The following ROBO1 variants were observed in gnomAD, a reference collection of about 807,000 sequenced individuals.
The protein encoded by ROBO1 is roundabout homolog 1.
ROBO1 carries 149 observed loss-of-function variants against 195.9 expected under a neutral mutation model. That is an observed-to-expected ratio of 0.76 (90% CI 0.67 to 0.87). The LOEUF is 0.87. Ranked by LOEUF, ROBO1 falls within the 40% of genes least tolerant of loss-of-function variation. The probability of loss-of-function intolerance (pLI) is 0.00; values close to 1 mark genes in which losing one functional copy is unlikely to be tolerated. For synonymous variants in ROBO1, 816 were observed against 733.2 expected (o/e 1.11, Z -1.82); for missense variants, 1,933 against 2,068.3 (o/e 0.93, Z 1.27).
chr3:79,005,342 T>C (rs1329122315), intron 3 of ROBO1, among the ~76,000 whole-genome samples: 1 of 152,198 alleles, frequency 6.6e-6, no homozygotes, highest in Non-Finnish European at 1.5e-5. Flanking sequence ...CTGCCCCTGA[T>C]AGATGTCTTA....
intron 2 of ROBO1, among the ~76,000 whole-genome samples, chr3:79,289,281 T>A (rs1377783741): frequency 1.3e-5 from 2 of 152,160 alleles, no homozygotes; most frequent in African/African-American, 4.8e-5. Flanking sequence ...ACCAATATAT[T>A]TGGTGTTTTG....
rs151026714 is a variant in ROBO1 at position 78,681,739 on chromosome 3, T to C, written c.1342+4007A>G. ...CTAACACGGTGAAACCCGTCTCTAC[T>C]AAAAATACAAAAATTAGTCGGGCGT... On this transcript the variant is annotated intron_variant, in intron 10 of 30. Transcript: ENST00000464233. 6.1e-3 allele frequency among the ~76,000 whole-genome samples: 925 copies of C among 152,154 alleles called. 12 individuals carry two copies. The highest frequency in any genetic ancestry group is 0.021 in the African/African-American group (888 of 41,522).
rs771492402 is a variant in ROBO1 at position 79,010,544 on chromosome 3, G to A, written c.173-71617C>T. On this transcript the variant is annotated intron_variant, in intron 3 of 30. Transcript: ENST00000464233. ...ATTGATTCCTAGTGTTTCAGGTTCC[G>A]TGTATACAACTGGGCCTATACTACT... Among the ~76,000 whole-genome samples, 5 of 151,992 alleles carry A rather than the reference G, an allele frequency of 3.3e-5. No individual in the cohort carries two copies. The East Asian group carries it at 5.8e-4, about 18-fold the overall frequency.
chr3:79,522,073 G>A lies in ROBO1; in HGVS notation c.88+67751C>T, dbSNP rs2107581728. 1.3e-5 allele frequency among the ~76,000 whole-genome samples: 2 copies of A among 152,274 alleles called. 1 individual carries two copies. Among genetic ancestry groups the A allele is most frequent in the South Asian group, 4.1e-4 (2 of 4,826 alleles). ...AGTTAATAACAACAAAACAGATTCAGTATGTCATCTATTAGTATTATAATT... is the reference window on the plus strand; with the variant it reads ...AGTTAATAACAACAAAACAGATTCAATATGTCATCTATTAGTATTATAATT... On this transcript the variant is annotated intron_variant, in intron 2 of 30. Coordinates refer to ENST00000464233, the MANE Select transcript of ROBO1 (RefSeq NM_002941.4).
chr3:78,631,030 T>C (rs1220080948), intron 25 of ROBO1, 131 bp downstream of exon 25: 2 of 997,040 alleles, frequency 2.0e-6, no homozygotes, highest in African/African-American at 3.2e-5. Flanking sequence ...ACCAGCACTA[T>C]TTTATTTAAA....
At chr3:78,784,614 C>T (rs1576159730) in intron 4 of ROBO1, among the ~76,000 whole-genome samples, 2 of 151,838 alleles carry the variant, frequency 1.3e-5, no homozygotes, top group South Asian at 4.1e-4. Flanking sequence ...AAAAAGGACA[C>T]GTTCTTTAAG....
intron 2 of ROBO1, among the ~76,000 whole-genome samples, chr3:79,521,059 C>A (rs926925556): frequency 6.6e-6 from 1 of 152,124 alleles, no homozygotes; most frequent in Non-Finnish European, 1.5e-5. Flanking sequence ...ATCTTTGAGA[C>A]CCCATTCAAA....
At chr3:79,352,674 G>T (rs72898048) in intron 2 of ROBO1, among the ~76,000 whole-genome samples, 1 of 151,970 alleles carries the variant, frequency 6.6e-6, no homozygotes, top group Admixed American at 6.6e-5. Flanking sequence ...CCACCCAGCC[G>T]CCTTCTTTAA....
At chr3:79,719,720 G>C (rs1469748744) in intron 1 of ROBO1, among the ~76,000 whole-genome samples, 1 of 151,738 alleles carries the variant, frequency 6.6e-6, no homozygotes, top group East Asian at 1.9e-4. Flanking sequence ...GAAAAAAACA[G>C]CATTATAATA....
intron 1 of ROBO1, among the ~76,000 whole-genome samples, chr3:79,676,393 T>G (rs1946785620): frequency 6.6e-6 from 1 of 152,080 alleles, no homozygotes; most frequent in Non-Finnish European, 1.5e-5. Context: ...TATTAATTAA[T>G]TGGGTCCTCT....
At chr3:78,879,431 C>G (rs975199581) in intron 4 of ROBO1, among the ~76,000 whole-genome samples, 15 of 151,832 alleles carry the variant, frequency 9.9e-5, no homozygotes, top group African/African-American at 3.4e-4. Context: ...ATGGCTTGAC[C>G]TATATACGAG....
At chr3:79,245,574 C>T (rs575713932) in intron 2 of ROBO1, among the ~76,000 whole-genome samples, 13 of 151,738 alleles carry the variant, frequency 8.6e-5, no homozygotes, top group Non-Finnish European at 1.8e-4. Flanking sequence ...AAAGATATTA[C>T]ACAGAAAAAC....
chr3:79,037,905 T>C (rs2078409333), intron 3 of ROBO1, among the ~76,000 whole-genome samples: 1 of 152,236 alleles, frequency 6.6e-6, no homozygotes, highest in Non-Finnish European at 1.5e-5. Flanking sequence ...TCAAAGAGGA[T>C]AGTTCTTTTG....
intron 3 of ROBO1, among the ~76,000 whole-genome samples, chr3:79,039,524 G>A (rs1373295614): frequency 2.0e-5 from 3 of 152,080 alleles, no homozygotes; most frequent in East Asian, 1.9e-4. Context: ...GTGGCTGAGC[G>A]CTGTGGCTCA....
At chr3:79,513,078 A>G (rs1420468936) in intron 2 of ROBO1, among the ~76,000 whole-genome samples, 1 of 152,184 alleles carries the variant, frequency 6.6e-6, no homozygotes, top group Non-Finnish European at 1.5e-5. Flanking sequence ...GTGAAATTCT[A>G]GGAGACGATA....
chr3:78,844,355 C>CT (rs2033505651), intron 4 of ROBO1, among the ~76,000 whole-genome samples: 1 of 151,962 alleles, frequency 6.6e-6, no homozygotes, highest in Non-Finnish European at 1.5e-5. Context: ...TTTTAACCTC[C>CT]TTTTTCTGGA....
intron 1 of ROBO1, among the ~76,000 whole-genome samples, chr3:79,735,418 AT>A (rs1305629246): frequency 6.6e-6 from 1 of 152,202 alleles, no homozygotes; most frequent in Non-Finnish European, 1.5e-5. Context: ...TGAAAATAGC[AT>A]GCACGTTCAA....
At chr3:78,845,983 A>ATTG (rs1372419121) in intron 4 of ROBO1, among the ~76,000 whole-genome samples, 1 of 152,174 alleles carries the variant, frequency 6.6e-6, no homozygotes, top group African/African-American at 2.4e-5. Flanking sequence ...ACTCTGAAAC[A>ATTG]TTGAAACCTG....
chr3:79,151,614 A>G (rs537535488), intron 2 of ROBO1, among the ~76,000 whole-genome samples: 7 of 151,892 alleles, frequency 4.6e-5, no homozygotes, highest in Middle Eastern at 3.4e-3. Flanking sequence ...TTTTCTGCTT[A>G]TAACTTTAAA....
Sources: allele counts gnomAD v4.1 joint callset (sites outside exome capture counted in the v4.1 genomes callset), GRCh38; gene constraint gnomAD v4.1.1; transcripts MANE v1.5; gene names NCBI Gene and HGNC (gene_info 2026-07-23, HGNC 2026-07-21).